The following UST variants were observed in gnomAD, a reference collection of about 807,000 sequenced individuals.
UST encodes the protein uronyl 2-sulfotransferase, also known as chondroitin sulfate 2-O-sulfotransferase.
UST carries 21 observed loss-of-function variants against 45.6 expected under a neutral mutation model. The ratio of observed to expected loss-of-function variants is 0.46; its 90% CI spans 0.33 to 0.66. The LOEUF (loss-of-function observed/expected upper bound fraction) is 0.66, where lower values mean the gene tolerates loss of function less well. Ranked by LOEUF, UST falls within the 30% of genes least tolerant of loss-of-function variation. The pLI, the probability that UST is intolerant of heterozygous loss-of-function variation, is 0.02. For synonymous variants in UST, 215 were observed against 200.6 expected (o/e 1.07, Z -0.61); for missense variants, 463 against 512.4 (o/e 0.90, Z 0.93).
At chr6:149,019,001 C>T (rs984056980) in intron 5 of UST, 138 bp from the exon 6 acceptor site, 2 of 736,322 alleles carry the variant, frequency 2.7e-6, no homozygotes, top group African/African-American at 1.8e-5. Flanking sequence ...TAAGTTTTCT[C>T]ATGAAATCTG....
intron 2 of UST, among the ~76,000 whole-genome samples, chr6:148,918,330 G>A (rs75879846): frequency 3.4e-4 from 52 of 152,118 alleles, no homozygotes; most frequent in African/African-American, 1.2e-3. Context: ...ATTTTTATCC[G>A]GTCTTACATA....
chr6:148,965,085 T>C (rs1780758884), intron 5 of UST, among the ~76,000 whole-genome samples: 1 of 152,164 alleles, frequency 6.6e-6, no homozygotes, highest in South Asian at 2.1e-4. Flanking sequence ...GCCTTCACAG[T>C]CTGGGTTCTT....
At chr6:148,928,450 A>G (rs981871123) in intron 2 of UST, among the ~76,000 whole-genome samples, 7 of 152,252 alleles carry the variant, frequency 4.6e-5, no homozygotes, top group African/African-American at 1.7e-4. Flanking sequence ...TCAATTTATA[A>G]AAATATTTTT....
chr6:148,910,134 CTTTTTT>C (rs148286486), intron 2 of UST, among the ~76,000 whole-genome samples: 9 of 103,434 alleles, frequency 8.7e-5, no homozygotes, highest in Non-Finnish European at 1.1e-4. Flanking sequence ...GCCTGGGATG[CTTTTTT>C]TTTTTTTTTT....
intron 1 of UST, among the ~76,000 whole-genome samples, chr6:148,876,202 G>A (rs1370395656): frequency 1.3e-5 from 2 of 152,064 alleles, no homozygotes; most frequent in African/African-American, 2.4e-5. Flanking sequence ...GAGCAAGAGA[G>A]AGAGTGGGGG....
At chr6:148,963,107 A>G (rs1035569477) in intron 4 of UST, among the ~76,000 whole-genome samples, 1 of 152,228 alleles carries the variant, frequency 6.6e-6, no homozygotes, top group African/African-American at 2.4e-5. Flanking sequence ...GAGAGGGCCC[A>G]GGGCACAGAG....
At chr6:148,958,250 C>G (rs776920958) in intron 4 of UST, among the ~76,000 whole-genome samples, 1 of 151,944 alleles carries the variant, frequency 6.6e-6, no homozygotes, top group Non-Finnish European at 1.5e-5. Context: ...TAGAAGGAAC[C>G]ATATCTAGTT....
chr6:148,851,975 C>T (rs1281948733), intron 1 of UST, among the ~76,000 whole-genome samples: 1 of 152,228 alleles, frequency 6.6e-6, no homozygotes, highest in Non-Finnish European at 1.5e-5. Context: ...GGAAAGGTTT[C>T]AAACCATGAC....
At chr6:148,961,358 C>T (rs908106107) in intron 4 of UST, among the ~76,000 whole-genome samples, 1 of 152,204 alleles carries the variant, frequency 6.6e-6, no homozygotes, top group Non-Finnish European at 1.5e-5. Flanking sequence ...CTCTTCTACT[C>T]TCTAGTGTAT....
At chr6:148,770,408 G>A (rs1776401451) in intron 1 of UST, among the ~76,000 whole-genome samples, 2 of 151,404 alleles carry the variant, frequency 1.3e-5, no homozygotes, top group South Asian at 2.1e-4. Flanking sequence ...TTGGGCACAC[G>A]AAGCAGTACA....
chr6:148,809,962 T>C (rs973545092), intron 1 of UST, among the ~76,000 whole-genome samples: 1 of 152,182 alleles, frequency 6.6e-6, no homozygotes, highest in Non-Finnish European at 1.5e-5. Flanking sequence ...GTACAGAAAG[T>C]TGGTATCAAT....
At chr6:148,956,396 T>C (rs900982475) in intron 4 of UST, among the ~76,000 whole-genome samples, 1 of 152,136 alleles carries the variant, frequency 6.6e-6, no homozygotes, top group East Asian at 1.9e-4. Context: ...ATGAGGAAGA[T>C]GCAAAAGCGG....
chr6:148,931,378 G>T (rs1779918673), intron 2 of UST, among the ~76,000 whole-genome samples: 1 of 152,324 alleles, frequency 6.6e-6, no homozygotes, highest in African/African-American at 2.4e-5. Context: ...TTTATTTGGA[G>T]ATTTGTGTGA....
chr6:149,043,374 G>A (rs1217976648), intron 7 of UST, among the ~76,000 whole-genome samples: 2 of 152,180 alleles, frequency 1.3e-5, no homozygotes, highest in Admixed American at 6.5e-5. Flanking sequence ...ACCTCCCAAA[G>A]TGTTAGCATA....
At chr6:148,925,456 A>G (rs1779794556) in intron 2 of UST, among the ~76,000 whole-genome samples, 1 of 152,238 alleles carries the variant, frequency 6.6e-6, no homozygotes, top group South Asian at 2.1e-4. Flanking sequence ...AAGAAAGAAG[A>G]AAAAGAGAAA....
intron 7 of UST, among the ~76,000 whole-genome samples, chr6:149,067,245 T>C (rs1399857311): frequency 3.9e-5 from 6 of 152,152 alleles, no homozygotes; most frequent in Non-Finnish European, 8.8e-5. Context: ...GTTTTGATCT[T>C]CTCTGATTAA....
intron 1 of UST, among the ~76,000 whole-genome samples, chr6:148,760,410 G>A (rs1454503635): frequency 6.6e-6 from 1 of 152,156 alleles, no homozygotes; most frequent in Non-Finnish European, 1.5e-5. Context: ...GGGTAAGAGG[G>A]TTCTTCACAG....
At chr6:148,809,137 A>G (rs1266085864) in intron 1 of UST, among the ~76,000 whole-genome samples, 2 of 152,194 alleles carry the variant, frequency 1.3e-5, no homozygotes, top group Non-Finnish European at 2.9e-5. Context: ...AAACCTCAGC[A>G]GGGCCTGTGC....
At chr6:148,898,343 G>A (rs1250853469) in intron 2 of UST, among the ~76,000 whole-genome samples, 1 of 152,166 alleles carries the variant, frequency 6.6e-6, no homozygotes, top group African/African-American at 2.4e-5. Flanking sequence ...GTATTCTGTT[G>A]GAGATGGGTA....
Sources: gnomAD v4.1 joint callset for allele counts (sites outside exome capture counted in the v4.1 genomes callset) on GRCh38, gnomAD v4.1.1 for gene constraint, MANE v1.5 for transcripts, NCBI Gene and HGNC (gene_info 2026-07-23, HGNC 2026-07-21) for gene names.